ETV3L: variants seen among roughly 807,000 people sequenced by gnomAD.
ETV3L encodes ETS translocation variant 3-like protein.
ETV3L carries 30 observed loss-of-function variants against 27.6 expected under a neutral mutation model. The observed-to-expected ratio is 1.09, with a 90% CI of 0.81 to 1.48. The LOEUF is 1.48. Ranked by LOEUF, ETV3L falls within the 40% of genes most tolerant of loss-of-function variation. The probability of loss-of-function intolerance (pLI) is 0.00; values close to 1 mark genes in which losing one functional copy is unlikely to be tolerated. For missense variants in ETV3L, 443 were observed against 455.6 expected, an observed-to-expected ratio of 0.97 and a Z score of 0.25; for synonymous variants, 186 against 188.9, an observed-to-expected ratio of 0.98 and a Z score of 0.12.
chr1:157,099,774 T>A lies in ETV3L; in HGVS notation c.-251A>T. 1.7e-6 allele frequency: 1 copy of A among 582,268 alleles called. No homozygotes were observed. Among genetic ancestry groups the A allele is most frequent in the East Asian group, 2.9e-5 (1 of 35,020 alleles). The allele number at this position is 582,268 out of a possible 1,614,324, so 36.1% of individuals were successfully genotyped here. ...TACCCAGACAGGGCCCAGCCCCCTCTGGGGACCTCCCCGCTGCCCAGGGCT... is the reference window on the plus strand; with the variant it reads ...TACCCAGACAGGGCCCAGCCCCCTCAGGGGACCTCCCCGCTGCCCAGGGCT... On this transcript the variant is annotated 5_prime_UTR_variant, in exon 1 of 5. Transcript: ENST00000454449.
chr1:157,099,110 C>T (rs768680694), intron 2 of ETV3L, 31 bp downstream of exon 2: 33 of 1,611,792 alleles, frequency 2.0e-5, no homozygotes, highest in African/African-American at 2.7e-5. Context: ...GAAATCCCCC[C>T]TCTTTGGCCA....
intron 4 of ETV3L, among the ~76,000 whole-genome samples, chr1:157,096,761 A>G (rs1674229364): frequency 6.6e-6 from 1 of 152,152 alleles, no homozygotes; most frequent in Non-Finnish European, 1.5e-5. Context: ...TCTCTACTAA[A>G]AATACAAAAT....
Position 157,098,769 on chromosome 1 carries a change from G to C in ETV3L, c.423C>G (p.His141Gln), listed in dbSNP as rs201139806. ...LWEVRAPPSP[H>Q]LLLGAPALCR... ...ACAGGGCAGGGGCCCCCAGCAGCAA[G>C]TGGGGGGATGGCGGCGCCCGCACTT... is the stretch of plus-strand genomic sequence containing the variant. Residue 141 changes from histidine to glutamine, a missense_variant, in exon 3 of 5, where the codon CAC becomes CAG. Coordinates refer to ENST00000454449, the MANE Select transcript of ETV3L (RefSeq NM_001004341.2). 1.1e-4 allele frequency: 177 copies of C among 1,613,916 alleles called. No individual in the cohort carries two copies. The African/African-American group carries it at 1.6e-3, about 15-fold the overall frequency.
At chr1:157,098,042 C>T in intron 3 of ETV3L, 54 bp from the exon 4 acceptor site, 1 of 1,533,278 alleles carries the variant, frequency 6.5e-7, no homozygotes, top group Non-Finnish European at 8.8e-7. Flanking sequence ...GGCATGTATC[C>T]TCCAGTACAA....
rs1441526497 is a variant in ETV3L, at chr1:157,093,172, G to A, written c.608-45C>T. ...AAGGGTCAAGGGAGCCCAACCTCTCGCAGATGCTCCTTGCTCCTCCCATTT... is the reference window on the plus strand; with the variant it reads ...AAGGGTCAAGGGAGCCCAACCTCTCACAGATGCTCCTTGCTCCTCCCATTT... On this transcript the variant is annotated intron_variant, in intron 4 of 4. Transcript: ENST00000454449. The A allele has an allele frequency of 3.8e-6, 5 of 1,323,912 alleles. No individual in the cohort carries two copies. The South Asian group carries it at 5.0e-5, about 13-fold the overall frequency. The allele number at this position is 1,323,912 out of a possible 1,614,324, so 82.0% of individuals were successfully genotyped here.
intron 2 of ETV3L, 36 bp downstream of exon 2, chr1:157,099,105 C>A (rs866279665): frequency 6.3e-7 from 1 of 1,595,516 alleles, no homozygotes. Flanking sequence ...TCCTTGAAAT[C>A]CCCCCTCTTT....
At chr1:157,098,052 A>G (rs1344914016) in intron 3 of ETV3L, 64 bp from the exon 4 acceptor site, 4 of 1,493,712 alleles carry the variant, frequency 2.7e-6, no homozygotes, top group Non-Finnish European at 3.6e-6. Flanking sequence ...CTCCAGTACA[A>G]TCTGGTACTG....
At position 157,092,750 on chromosome 1, in the gene ETV3L, C is replaced by A. The variant is rs755144775; in HGVS notation, c.985G>T (p.Val329Phe). Residue 329 changes from valine (V) to phenylalanine (F), a missense_variant, in exon 5 of 5, where the codon GTC becomes TTC. Physicochemically the swap from Val to Phe is conservative, Grantham distance 50. Coordinates refer to ENST00000454449, the MANE Select transcript of ETV3L (RefSeq NM_001004341.2). Reference sequence around the variant, plus strand: ...AGTCTGCGGGTCTCTGGGCAGAAGACCTCCCTGGGATCCAGGCCTCCCTTT... The same window carrying A: ...AGTCTGCGGGTCTCTGGGCAGAAGAACTCCCTGGGATCCAGGCCTCCCTTT... ...EAKGGLDPRE[V>F]FCPETRRLKT... is the part of the protein sequence containing the mutation. 3 of 1,614,188 alleles carry A rather than the reference C, an allele frequency of 1.9e-6. No homozygotes were observed. The South Asian group carries it at 3.3e-5, about 18-fold the overall frequency.
intron 1 of ETV3L, 42 bp downstream of exon 1, chr1:157,099,424 G>A: frequency 6.2e-7 from 1 of 1,613,976 alleles, no homozygotes; most frequent in Non-Finnish European, 8.5e-7. Flanking sequence ...CCTGCCCTAG[G>A]CCACCGTTGG....
In ETV3L at chr1:157,099,505, C is replaced by G; in HGVS notation, c.19G>C (p.Ala7Pro). The change falls in exon 1 of 5, where the codon GCT becomes CCT. Residue 7 changes from alanine to proline, a missense_variant. Transcript: ENST00000454449. ...CCGGGGTTGGCTGGGATGCCCTCAG[C>G]CAAGCAGCTGCAGTGCATGGTCCAC... MHCSCL[A>P]EGIPANPGNW... The G allele has an allele frequency of 6.2e-7, 1 of 1,612,462 alleles. No individual in the cohort carries two copies. Among genetic ancestry groups the G allele is most frequent in the Non-Finnish European group, 8.5e-7 (1 of 1,179,432 alleles).
In ETV3L at chr1:157,099,312, C is replaced by A. The variant is rs777462387; in HGVS notation, c.125G>T (p.Trp42Leu). 6.2e-7 allele frequency: 1 copy of A among 1,614,156 alleles called. No individual in the cohort carries two copies. Among genetic ancestry groups the A allele is most frequent in the South Asian group, 1.1e-5 (1 of 91,088 alleles). ...SSPGSRQIQLWHFILELLQKE... is the reference protein window; with the variant it reads ...SSPGSRQIQLLHFILELLQKE... ...CTGCAGCAGCTCCAGGATGAAGTGC[C>A]ACAGCTGGATCTGCCGGGAGCCTGG... Residue 42 changes from tryptophan (W) to leucine (L), a missense_variant, in exon 2 of 5, where the codon TGG (tryptophan) becomes TTG (leucine). By Grantham distance (61) the Trp-to-Leu change is moderately conservative (BLOSUM62 -2). Transcript: ENST00000454449.
rs1674306318 is a variant in ETV3L at position 157,099,737 on chromosome 1, C to G, written c.-214G>C. On this transcript the variant is annotated 5_prime_UTR_variant, in exon 1 of 5. Coordinates refer to ENST00000454449, the MANE Select transcript of ETV3L (RefSeq NM_001004341.2). The stretch of plus-strand genomic sequence containing the variant: ...GGGGAGAAAAGGGAACCAGAGGCAG[C>G]AAGCTTCCCCATACCCAGACAGGGC... 2 of 603,598 alleles carry G rather than the reference C, an allele frequency of 3.3e-6. No individual in the cohort carries two copies. Among genetic ancestry groups the G allele is most frequent in the African/African-American group, 3.7e-5 (2 of 53,938 alleles). The allele number at this position is 603,598 out of a possible 1,614,324, so 37.4% of individuals were successfully genotyped here. A position where few individuals can be genotyped will look rare whatever the true frequency, so the allele number is the denominator to read the frequency against.
intron 3 of ETV3L, 113 bp from the exon 4 acceptor site, chr1:157,098,101 A>ATTT: frequency 1.1e-5 from 11 of 1,004,616 alleles, no homozygotes; most frequent in South Asian, 2.2e-5. Flanking sequence ...TCTCATACCG[A>ATTT]TTTTTTTTTT....
At chr1:157,094,639 G>A (rs1332237001) in intron 4 of ETV3L, among the ~76,000 whole-genome samples, 3 of 152,246 alleles carry the variant, frequency 2.0e-5, no homozygotes, top group Non-Finnish European at 4.4e-5. Context: ...CAGGCCAGGT[G>A]TGGTGGCTCA....
At chr1:157,097,300 C>T (rs886819964) in intron 4 of ETV3L, among the ~76,000 whole-genome samples, 1 of 151,708 alleles carries the variant, frequency 6.6e-6, no homozygotes, top group African/African-American at 2.4e-5. Context: ...TGGTGAAACC[C>T]CGTCTTTACT....
At chr1:157,097,745 G>A (rs147215978) in intron 4 of ETV3L, 123 bp downstream of exon 4, 20 of 1,224,048 alleles carry the variant, frequency 1.6e-5, no homozygotes, top group African/African-American at 9.1e-5. Context: ...AATGTTGGTC[G>A]AATGAATGAA....
At chr1:157,098,473 C>G (rs374003412) in intron 3 of ETV3L, among the ~76,000 whole-genome samples, 2 of 152,146 alleles carry the variant, frequency 1.3e-5, no homozygotes, top group African/African-American at 4.8e-5. Flanking sequence ...CTCTGATCCA[C>G]CCCTAAAGGA....
rs1285822196 is a variant in ETV3L, at chr1:157,098,716, A to G, written c.476T>C (p.Val159Ala). Residue 159 changes from valine (V) to alanine (A), a missense_variant, in exon 3 of 5, where the codon GTG becomes GCG. Coordinates refer to ENST00000454449, the MANE Select transcript of ETV3L (RefSeq NM_001004341.2). ...CACCTCCGCTCTTACCTCACTCTGC[A>G]CACCCACGGGCACCAGCGCTGGCCG... ...LCRPALVPVG[V>A]QSELLHSMLF... 1.9e-6 allele frequency: 3 copies of G among 1,601,864 alleles called. No individual in the cohort carries two copies. In the African/African-American group the frequency reaches 4.0e-5, roughly 21 times the overall value.
rs762918639 is a variant in ETV3L at position 157,098,789 on chromosome 1, G to A, written c.403C>T (p.Arg135Trp). The A allele has an allele frequency of 1.6e-5, 26 of 1,613,924 alleles. No homozygotes were observed. Among genetic ancestry groups the A allele is most frequent in the Middle Eastern group, 3.3e-4 (2 of 6,080 alleles). ...IVVNYPLWEV[R>W]APPSPHLLLG... Reference sequence around the variant, plus strand: ...AGCAAGTGGGGGGATGGCGGCGCCCGCACTTCCCACAAAGGATAGTTGACT... The same window carrying A: ...AGCAAGTGGGGGGATGGCGGCGCCCACACTTCCCACAAAGGATAGTTGACT... Residue 135 changes from arginine to tryptophan, a missense_variant, in exon 3 of 5, where the codon CGG (arginine) becomes TGG (tryptophan). By Grantham distance (101) the Arg-to-Trp change is moderately radical. Transcript: ENST00000454449.
Sources: allele counts gnomAD v4.1 joint callset (sites outside exome capture counted in the v4.1 genomes callset), GRCh38; gene constraint gnomAD v4.1.1; transcripts MANE v1.5; gene names NCBI Gene and HGNC (gene_info 2026-07-23, HGNC 2026-07-21).